THSD7B: variants seen among roughly 807,000 people sequenced by gnomAD.
THSD7B encodes the protein thrombospondin type-1 domain-containing protein 7B.
A neutral mutation model predicts 213.6 loss-of-function variants in THSD7B; 138 were observed. The observed-to-expected ratio is 0.65, with a 90% confidence interval of 0.56 to 0.74. THSD7B has a LOEUF of 0.74. Ranked by LOEUF, THSD7B falls within the 30% of genes least tolerant of loss-of-function variation. The pLI, the probability that THSD7B is intolerant of heterozygous loss-of-function variation, is 0.00. For missense variants in THSD7B, 1,931 were observed against 1,991.5 expected (o/e 0.97, Z 0.58); for synonymous variants, 742 against 687.0 (o/e 1.08, Z -1.25).
rs557227170 is a variant in THSD7B at position 137,617,675 on chromosome 2, C to T, written c.3566-717C>T. On this transcript the variant is annotated intron_variant, in intron 18 of 27. Coordinates refer to ENST00000409968, the MANE Select transcript of THSD7B (RefSeq NM_001316349.2). ...TTGGTGTCTTAGTCTGTCCTGGATGCTATAACAAATTGCTATAGACTAAGT... is the reference window on the plus strand; with the variant it reads ...TTGGTGTCTTAGTCTGTCCTGGATGTTATAACAAATTGCTATAGACTAAGT... Among the ~76,000 whole-genome samples the T allele has an allele frequency of 3.1e-4, 47 of 152,286 alleles. 1 individual carries two copies. In the South Asian group the frequency reaches 9.5e-3, roughly 31 times the overall value.
intron 2 of THSD7B, among the ~76,000 whole-genome samples, chr2:137,029,181 C>A (rs570459683): frequency 6.7e-6 from 1 of 149,646 alleles, no homozygotes; most frequent in Admixed American, 6.8e-5. Context: ...TTGGTTCAAG[C>A]AATTCTCCTG....
At chr2:136,773,087 G>T (rs1222433875) in intron 1 of THSD7B, among the ~76,000 whole-genome samples, 1 of 151,968 alleles carries the variant, frequency 6.6e-6, no homozygotes, top group Non-Finnish European at 1.5e-5. Flanking sequence ...AGTGTGATCG[G>T]CTGTCTCAGG....
At chr2:137,304,596 A>G (rs1459159526) in intron 12 of THSD7B, among the ~76,000 whole-genome samples, 1 of 152,118 alleles carries the variant, frequency 6.6e-6, no homozygotes. Context: ...ACTTGACTTC[A>G]TATTATCAGT....
intron 12 of THSD7B, among the ~76,000 whole-genome samples, chr2:137,320,769 C>T (rs1684247800): frequency 6.6e-6 from 1 of 152,208 alleles, no homozygotes; most frequent in South Asian, 2.1e-4. Flanking sequence ...ATACCCCTGG[C>T]TTTGGGCCTG....
chr2:137,455,480 A>G (rs1687745342), intron 15 of THSD7B, among the ~76,000 whole-genome samples: 3 of 152,194 alleles, frequency 2.0e-5, no homozygotes, highest in East Asian at 1.9e-4. Flanking sequence ...CATGCTCCTC[A>G]TAAGTTGATC....
intron 15 of THSD7B, among the ~76,000 whole-genome samples, chr2:137,536,231 G>C (rs1057032570): frequency 1.3e-5 from 2 of 151,106 alleles, no homozygotes; most frequent in Non-Finnish European, 3.0e-5. Flanking sequence ...TCTCAAAACA[G>C]ACTCAGACTC....
intron 6 of THSD7B, among the ~76,000 whole-genome samples, chr2:137,167,108 G>A (rs1279938798): frequency 1.3e-5 from 2 of 152,108 alleles, no homozygotes; most frequent in African/African-American, 2.4e-5. Flanking sequence ...CAGAGAGGAA[G>A]AGCAAATGAA....
intron 1 of THSD7B, among the ~76,000 whole-genome samples, chr2:136,849,683 G>A (rs1683065922): frequency 6.6e-6 from 1 of 152,030 alleles, no homozygotes; most frequent in African/African-American, 2.4e-5. Flanking sequence ...CTGCAAATAT[G>A]TCCACCCCTG....
rs369488956 is a variant in THSD7B, at chr2:136,792,573, G to T, written c.-36+26886G>T. 2.0e-5 allele frequency among the ~76,000 whole-genome samples: 3 copies of T among 152,052 alleles called. No homozygotes were observed. The East Asian group carries it at 5.8e-4, about 29-fold the overall frequency. ...TATAGATTGTGACAAATGTACCACTGTGGGTGGAATGCTGGGGAGGCTGTG... is the reference window on the plus strand; with the variant it reads ...TATAGATTGTGACAAATGTACCACTTTGGGTGGAATGCTGGGGAGGCTGTG... On this transcript the variant is annotated intron_variant, in intron 1 of 27. Transcript: ENST00000409968.
chr2:137,125,190 T>C (rs895697836), intron 5 of THSD7B, among the ~76,000 whole-genome samples: 3 of 152,178 alleles, frequency 2.0e-5, no homozygotes, highest in Non-Finnish European at 4.4e-5. Flanking sequence ...AATTGTCTGT[T>C]TCAATTGACT....
In THSD7B at chr2:137,118,753, GT is replaced by G. The variant is rs200891558; in HGVS notation, c.1369+3461del. Among the ~76,000 whole-genome samples, 769 of 152,180 alleles carry G rather than the reference GT, an allele frequency of 5.1e-3. 9 individuals carry two copies. The highest frequency in any genetic ancestry group is 0.018 in the African/African-American group (736 of 41,528). Reference sequence around the variant, plus strand: ...CATTCTGGAATGCTAAGTTGTATTAGTCCATTTCCGTGCCGCTGATAAAGGC... The same window carrying G: ...CATTCTGGAATGCTAAGTTGTATTAGCCATTTCCGTGCCGCTGATAAAGGC... On this transcript the variant is annotated intron_variant, in intron 5 of 27. Transcript: ENST00000409968.
At chr2:136,891,662 A>G (rs1683862551) in intron 2 of THSD7B, among the ~76,000 whole-genome samples, 1 of 152,182 alleles carries the variant, frequency 6.6e-6, no homozygotes, top group Non-Finnish European at 1.5e-5. Context: ...AGACATCATC[A>G]TTCTCTGCCC....
At position 137,667,810 on chromosome 2, in the gene THSD7B, G is replaced by C. The variant is rs1171966414; in HGVS notation, c.4688G>C (p.Gly1563Ala). 5 of 1,606,324 alleles carry C rather than the reference G, an allele frequency of 3.1e-6. No homozygotes were observed. The East Asian group carries it at 6.7e-5, about 22-fold the overall frequency. The change falls in exon 27 of 28, where the codon GGT (glycine) becomes GCT (alanine). Residue 1563 changes from glycine to alanine, a missense_variant. Gly to Ala is a moderately conservative substitution (Grantham distance 60). Coordinates refer to ENST00000409968, the MANE Select transcript of THSD7B (RefSeq NM_001316349.2). ...AAAATTTGGGTTTATGGCGTTTCAG[G>C]TGGCGCTTTTCTCATCATGATTTTC... Reference protein sequence around the residue: ...RVKIWVYGVSGGAFLIMIFLI... With the variant: ...RVKIWVYGVSAGAFLIMIFLI...
chr2:137,632,569 T>A (rs924804919), intron 20 of THSD7B, among the ~76,000 whole-genome samples: 5 of 152,212 alleles, frequency 3.3e-5, no homozygotes, highest in African/African-American at 1.2e-4. Context: ...TGTTAGTTTT[T>A]AATGGAATTG....
At chr2:137,627,898 GA>G (rs1682661957) in intron 20 of THSD7B, among the ~76,000 whole-genome samples, 1 of 152,222 alleles carries the variant, frequency 6.6e-6, no homozygotes, top group African/African-American at 2.4e-5. Context: ...ATTGTTTTAA[GA>G]GGCAGTCAGG....
intron 12 of THSD7B, among the ~76,000 whole-genome samples, chr2:137,315,249 G>T (rs867760407): frequency 6.6e-6 from 1 of 152,162 alleles, no homozygotes; most frequent in African/African-American, 2.4e-5. Context: ...CGCAGTATTC[G>T]GGTGGGAGTG....
chr2:137,470,910 C>CTTTTTTTTTTTTTTTT (rs70978226), intron 15 of THSD7B, among the ~76,000 whole-genome samples: 3 of 119,820 alleles, frequency 2.5e-5, no homozygotes, highest in African/African-American at 3.1e-5. Flanking sequence ...TTTTTCTTTA[C>CTTTTTTTTTTTTTTTT]TTTTTTTTTT....
chr2:137,634,489 C>T (rs768043095), intron 20 of THSD7B, among the ~76,000 whole-genome samples: 23 of 152,132 alleles, frequency 1.5e-4, no homozygotes, highest in African/African-American at 2.7e-4. Flanking sequence ...GAACCTTCTT[C>T]GACAATCTCT....
chr2:137,419,031 C>T (rs1413633459), intron 14 of THSD7B, among the ~76,000 whole-genome samples: 4 of 151,918 alleles, frequency 2.6e-5, no homozygotes, highest in African/African-American at 7.3e-5. Flanking sequence ...CCTCAGCCTT[C>T]CAAGTAGCTG....
Sources: allele counts gnomAD v4.1 joint callset (sites outside exome capture counted in the v4.1 genomes callset), GRCh38; gene constraint gnomAD v4.1.1; transcripts MANE v1.5; gene names NCBI Gene and HGNC (gene_info 2026-07-23, HGNC 2026-07-21).